GALNT1: variants seen among roughly 807,000 people sequenced by gnomAD.
The protein encoded by GALNT1 is GalNAc transferase 1.
GALNT1 carries 17 observed loss-of-function variants against 65.7 expected under a neutral mutation model. The ratio of observed to expected loss-of-function variants is 0.26; its 90% CI spans 0.18 to 0.39. The LOEUF (loss-of-function observed/expected upper bound fraction) is 0.39. GALNT1 is among the 10% of genes least tolerant of loss of function. The pLI is 1.00. For synonymous variants in GALNT1, 210 were observed against 219.7 expected, an observed-to-expected ratio of 0.96 and a Z score of 0.39; for missense variants, 460 against 672.8, an observed-to-expected ratio of 0.68 and a Z score of 3.50.
intron 1 of GALNT1, among the ~76,000 whole-genome samples, chr18:35,589,449 G>GTT (rs1356629270): frequency 6.6e-6 from 1 of 151,988 alleles, no homozygotes; most frequent in African/African-American, 2.4e-5. Context: ...TTTCCTATCA[G>GTT]TTTTCTGTCT....
intron 9 of GALNT1, among the ~76,000 whole-genome samples, chr18:35,695,207 G>A (rs140135411): frequency 2.0e-4 from 30 of 149,062 alleles, no homozygotes; most frequent in Admixed American, 2.7e-4. Context: ...GGGATCTGTT[G>A]TTATGGGTGT....
At chr18:35,648,162 T>C (rs1177323002) in intron 1 of GALNT1, among the ~76,000 whole-genome samples, 3 of 150,590 alleles carry the variant, frequency 2.0e-5, no homozygotes, top group Non-Finnish European at 4.4e-5. Context: ...GGAGAGAGGA[T>C]TGGATCAGAA....
chr18:35,602,331 A>G (rs2046592269), intron 1 of GALNT1, among the ~76,000 whole-genome samples: 3 of 152,062 alleles, frequency 2.0e-5, no homozygotes, highest in Admixed American at 2.0e-4. Context: ...TGATCATTAT[A>G]TCTTGGGGTA....
intron 1 of GALNT1, among the ~76,000 whole-genome samples, chr18:35,606,505 T>G (rs959436269): frequency 2.0e-5 from 3 of 152,210 alleles, no homozygotes; most frequent in Admixed American, 6.5e-5. Flanking sequence ...AGCTGTTATT[T>G]TAAAGCCACT....
chr18:35,642,429 A>T (rs2047177056), intron 1 of GALNT1, among the ~76,000 whole-genome samples: 1 of 152,190 alleles, frequency 6.6e-6, no homozygotes, highest in Admixed American at 6.5e-5. Context: ...GATACTCGTG[A>T]GGTTAAATTA....
chr18:35,586,240 A>T (rs747633061), intron 1 of GALNT1, among the ~76,000 whole-genome samples: 1 of 152,146 alleles, frequency 6.6e-6, no homozygotes, highest in African/African-American at 2.4e-5. Context: ...TGTCAACTGT[A>T]TATTTTCTTC....
At chr18:35,670,800 GTT>G (rs2047623558) in intron 3 of GALNT1, among the ~76,000 whole-genome samples, 1 of 152,212 alleles carries the variant, frequency 6.6e-6, no homozygotes, top group African/African-American at 2.4e-5. Flanking sequence ...TTCATGACCA[GTT>G]CTGTACATAC....
intron 3 of GALNT1, among the ~76,000 whole-genome samples, chr18:35,674,111 A>G (rs1224390926): frequency 6.6e-6 from 1 of 152,234 alleles, no homozygotes; most frequent in Non-Finnish European, 1.5e-5. Context: ...ACACCTGTAT[A>G]GGGCACTTAC....
At chr18:35,592,164 C>T (rs762145042) in intron 1 of GALNT1, among the ~76,000 whole-genome samples, 6 of 152,128 alleles carry the variant, frequency 3.9e-5, no homozygotes, top group East Asian at 1.9e-4. Flanking sequence ...CTTACAGTTA[C>T]GGGCCCGGAT....
chr18:35,647,869 ATT>A (rs2047251535), intron 1 of GALNT1, among the ~76,000 whole-genome samples: 1 of 152,038 alleles, frequency 6.6e-6, no homozygotes, highest in Non-Finnish European at 1.5e-5. Flanking sequence ...CTTTGGGAAA[ATT>A]TGGCATGTGA....
intron 1 of GALNT1, among the ~76,000 whole-genome samples, chr18:35,609,597 C>T (rs1214726989): frequency 1.3e-5 from 2 of 152,112 alleles, no homozygotes; most frequent in African/African-American, 4.8e-5. Flanking sequence ...TTTAATTCTT[C>T]ACTGTCTTGG....
chr18:35,675,911 C>T (rs1231737271), intron 3 of GALNT1, among the ~76,000 whole-genome samples: 1 of 152,140 alleles, frequency 6.6e-6, no homozygotes, highest in Non-Finnish European at 1.5e-5. Flanking sequence ...GGAGTCTGTG[C>T]ATCAGGCATT....
chr18:35,703,121 T>C (rs942352779), intron 10 of GALNT1, 126 bp downstream of exon 10: 8 of 586,834 alleles, frequency 1.4e-5, no homozygotes, highest in Non-Finnish European at 2.0e-5. Flanking sequence ...ATAAAGACTT[T>C]TAGGTGAAGG....
At chr18:35,646,526 T>C (rs944122432) in intron 1 of GALNT1, among the ~76,000 whole-genome samples, 3 of 152,208 alleles carry the variant, frequency 2.0e-5, no homozygotes, top group Admixed American at 2.0e-4. Context: ...TTCAGTTTCT[T>C]ACTATGTGGA....
At chr18:35,612,344 A>T (rs952358800) in intron 1 of GALNT1, among the ~76,000 whole-genome samples, 3 of 152,254 alleles carry the variant, frequency 2.0e-5, no homozygotes, top group Non-Finnish European at 2.9e-5. Context: ...AAAATTCAAA[A>T]GAACTGCCTA....
chr18:35,589,340 G>A (rs184585060), intron 1 of GALNT1, among the ~76,000 whole-genome samples: 1 of 152,304 alleles, frequency 6.6e-6, no homozygotes, highest in African/African-American at 2.4e-5. Context: ...AACCCGGGGA[G>A]TACGTGAAGT....
At chr18:35,600,591 C>A (rs2046569239) in intron 1 of GALNT1, among the ~76,000 whole-genome samples, 1 of 152,138 alleles carries the variant, frequency 6.6e-6, no homozygotes, top group African/African-American at 2.4e-5. Flanking sequence ...GCATCCTTGT[C>A]TTGTTCCAGA....
At chr18:35,633,964 C>T (rs1315300275) in intron 1 of GALNT1, among the ~76,000 whole-genome samples, 3 of 152,130 alleles carry the variant, frequency 2.0e-5, no homozygotes, top group African/African-American at 4.8e-5. Flanking sequence ...AAATCATTCC[C>T]AGAGCCATTG....
chr18:35,663,764 T>C lies in GALNT1; in HGVS notation c.276T>C (p.Ile92=). The C allele has an allele frequency of 6.2e-7, 1 of 1,613,984 alleles. No homozygotes were observed. The highest frequency in any genetic ancestry group is 2.2e-5 in the East Asian group (1 of 44,864). The change falls in exon 3 of 12, where the codon ATT becomes ATC. Residue 92 remains isoleucine (I), a synonymous_variant. Coordinates refer to ENST00000269195, the MANE Select transcript of GALNT1 (RefSeq NM_020474.4). The part of the protein sequence containing the change: ...NQFNLMASEM[I]ALNRSLPDVR... The stretch of plus-strand genomic sequence containing the variant: ...TCAATTTAATGGCAAGTGAGATGAT[T>C]GCACTCAACAGATCTTTACCAGATG...
Sources: allele counts gnomAD v4.1 joint callset (sites outside exome capture counted in the v4.1 genomes callset), GRCh38; gene constraint gnomAD v4.1.1; transcripts MANE v1.5; gene names NCBI Gene and HGNC (gene_info 2026-07-23, HGNC 2026-07-21).